PRKAG2: variants seen among roughly 807,000 people sequenced by gnomAD.
The protein encoded by PRKAG2 is 5'-AMP-activated protein kinase subunit gamma-2.
A neutral mutation model predicts 69.6 loss-of-function variants in PRKAG2; 26 were observed. The ratio of observed to expected loss-of-function variants is 0.37; its 90% CI spans 0.27 to 0.52. PRKAG2 has a LOEUF of 0.52. Ranked by LOEUF, PRKAG2 falls within the 20% of genes least tolerant of loss-of-function variation. The pLI, the probability that PRKAG2 is intolerant of heterozygous loss-of-function variation, is 0.90. For missense variants in PRKAG2, 557 were observed against 740.0 expected (o/e 0.75, Z 2.87); for synonymous variants, 293 against 285.0 (o/e 1.03, Z -0.28).
chr7:151,801,476 A>G (rs4128397), intron 1 of PRKAG2, among the ~76,000 whole-genome samples: 27,991 of 152,138 alleles, frequency 0.18, 2,735 homozygotes, highest in Middle Eastern at 0.24. Flanking sequence ...GCCAGGGACC[A>G]GCTGCAGGCA....
chr7:151,824,546 C>T (rs1362534970), intron 1 of PRKAG2, among the ~76,000 whole-genome samples: 1 of 152,100 alleles, frequency 6.6e-6, no homozygotes, highest in Non-Finnish European at 1.5e-5. Flanking sequence ...TCCCCACTAC[C>T]CCCACCACAC....
intron 3 of PRKAG2, among the ~76,000 whole-genome samples, chr7:151,720,020 G>C (rs1449552856): frequency 1.3e-5 from 2 of 152,306 alleles, no homozygotes; most frequent in South Asian, 2.1e-4. Context: ...GCACCCCCAG[G>C]GGATGTGCTT....
chr7:151,856,445 A>G (rs1394459020), intron 1 of PRKAG2, among the ~76,000 whole-genome samples: 1 of 152,184 alleles, frequency 6.6e-6, no homozygotes, highest in Non-Finnish European at 1.5e-5. Context: ...CATTGCCCCA[A>G]ATTAGGATGT....
At chr7:151,811,233 C>T (rs1251806485) in intron 1 of PRKAG2, among the ~76,000 whole-genome samples, 1 of 152,174 alleles carries the variant, frequency 6.6e-6, no homozygotes, top group Non-Finnish European at 1.5e-5. Context: ...GCTGACGGCT[C>T]ACCTGAAGAG....
At chr7:151,643,362 G>A (rs534269939) in intron 4 of PRKAG2, among the ~76,000 whole-genome samples, 2 of 152,266 alleles carry the variant, frequency 1.3e-5, no homozygotes, top group East Asian at 3.9e-4. Context: ...GTGTCACAAG[G>A]CAGTCTCTGT....
chr7:151,702,290 G>A (rs1105946), intron 3 of PRKAG2, among the ~76,000 whole-genome samples: 11,266 of 152,216 alleles, frequency 0.074, 1,215 homozygotes, highest in African/African-American at 0.24. Context: ...CCCTAGTGCC[G>A]GTCCCCCAAA....
chr7:151,778,728 T>C (rs905507122), intron 3 of PRKAG2, among the ~76,000 whole-genome samples: 1 of 152,170 alleles, frequency 6.6e-6, no homozygotes, highest in Non-Finnish European at 1.5e-5. Flanking sequence ...TCTGGGAGCT[T>C]GACATTTTTT....
At position 151,638,104 on chromosome 7, in the gene PRKAG2, C is replaced by T. The variant is rs1286980990; in HGVS notation, c.685-5966G>A. Reference sequence around the variant, plus strand: ...CCCAAACCCTCCTGATAATCCAGACCGATCTCCCCAGGGAGAACAAAATGG... The same window carrying T: ...CCCAAACCCTCCTGATAATCCAGACTGATCTCCCCAGGGAGAACAAAATGG... On this transcript the variant is annotated intron_variant, in intron 4 of 15. Coordinates refer to ENST00000287878, the MANE Select transcript of PRKAG2 (RefSeq NM_016203.4). This position sits in a 1 kb window ranked among gnomAD's most constrained non-coding sequence, Gnocchi z 4.3. Among the ~76,000 whole-genome samples, 4 of 152,120 alleles carry T rather than the reference C, an allele frequency of 2.6e-5. No individual in the cohort carries two copies. The highest frequency in any genetic ancestry group is 6.5e-5 in the Admixed American group (1 of 15,284).
intron 3 of PRKAG2, among the ~76,000 whole-genome samples, chr7:151,742,752 A>G (rs2073988306): frequency 6.6e-6 from 1 of 152,228 alleles, no homozygotes; most frequent in Non-Finnish European, 1.5e-5. Flanking sequence ...GTACTCTGGA[A>G]GCACAAAGCC....
At chr7:151,803,359 T>A (rs1221015134) in intron 1 of PRKAG2, among the ~76,000 whole-genome samples, 1 of 152,182 alleles carries the variant, frequency 6.6e-6, no homozygotes, top group Non-Finnish European at 1.5e-5. Context: ...GCGATCTTTA[T>A]CATATTGGGG....
chr7:151,602,151 G>C (rs1435051780), intron 5 of PRKAG2, among the ~76,000 whole-genome samples: 1 of 152,266 alleles, frequency 6.6e-6, no homozygotes, highest in Admixed American at 6.5e-5. Flanking sequence ...CATGCCTACT[G>C]AGTGTGGAAT....
rs558216945 is a variant in PRKAG2, at chr7:151,638,175, C to G, written c.685-6037G>C. Among the ~76,000 whole-genome samples, 14 of 152,296 alleles carry G rather than the reference C, an allele frequency of 9.2e-5. No individual in the cohort carries two copies. The highest frequency in any genetic ancestry group is 3.4e-4 in the African/African-American group (14 of 41,556). Reference sequence around the variant, plus strand: ...ACTGGGTTCTGCTAACAGCCTGGCACAGTTCCACCACAGGGAACATTTCCA... The same window carrying G: ...ACTGGGTTCTGCTAACAGCCTGGCAGAGTTCCACCACAGGGAACATTTCCA... On this transcript the variant is annotated intron_variant, in intron 4 of 15. Coordinates refer to ENST00000287878, the MANE Select transcript of PRKAG2 (RefSeq NM_016203.4). This position sits in a 1 kb window ranked among gnomAD's most constrained non-coding sequence, Gnocchi z 4.3.
intron 1 of PRKAG2, among the ~76,000 whole-genome samples, chr7:151,799,350 T>C (rs2077709839): frequency 6.6e-6 from 1 of 152,222 alleles, no homozygotes; most frequent in African/African-American, 2.4e-5. Context: ...TAGCTTGTGT[T>C]TCCACTACAT....
In PRKAG2 at chr7:151,814,872, C is replaced by T; in HGVS notation, c.115-28331G>A. The T allele has an allele frequency of 1.6e-6, 2 of 1,231,772 alleles. No individual in the cohort carries two copies. Among genetic ancestry groups the T allele is most frequent in the African/African-American group, 1.5e-5 (1 of 64,552 alleles). 76.3% of individuals were successfully genotyped at this position (1,231,772 alleles called of 1,614,324 possible). Reference sequence around the variant, plus strand: ...GTCAGGCGCTGCTGGGGAGGAAACTCCTTACCACACAGCAAGCCAGCAGGA... The same window carrying T: ...GTCAGGCGCTGCTGGGGAGGAAACTTCTTACCACACAGCAAGCCAGCAGGA... On this transcript the variant is annotated intron_variant, in intron 1 of 15. Transcript: ENST00000287878. The surrounding 1 kb of genome is among the most constrained non-coding windows in gnomAD (Gnocchi z 4.8).
chr7:151,641,673 T>C (rs1282782326), intron 4 of PRKAG2, among the ~76,000 whole-genome samples: 1 of 151,022 alleles, frequency 6.6e-6, no homozygotes, highest in Non-Finnish European at 1.5e-5. Context: ...GCCTCCCAAG[T>C]ACCTGGGAGT....
At chr7:151,865,887 G>A (rs1057285313) in intron 1 of PRKAG2, among the ~76,000 whole-genome samples, 3 of 152,030 alleles carry the variant, frequency 2.0e-5, no homozygotes, top group African/African-American at 4.8e-5. Flanking sequence ...GGGTGTGGTG[G>A]CGGGCGCCCG....
intron 3 of PRKAG2, among the ~76,000 whole-genome samples, chr7:151,723,696 A>AGCT (rs1315467248): frequency 6.6e-6 from 1 of 152,126 alleles, no homozygotes; most frequent in Non-Finnish European, 1.5e-5. Context: ...ACCTACAGGG[A>AGCT]GCTCTTCAAG....
intron 1 of PRKAG2, among the ~76,000 whole-genome samples, chr7:151,876,218 A>ACGCCCAGC (rs1355559064): frequency 6.6e-6 from 1 of 151,694 alleles, no homozygotes; most frequent in East Asian, 1.9e-4. Flanking sequence ...ATACCGGGCT[A>ACGCCCAGC]CGCCCAGCCG....
At chr7:151,776,276 G>T (rs959977462) in intron 3 of PRKAG2, among the ~76,000 whole-genome samples, 1 of 152,202 alleles carries the variant, frequency 6.6e-6, no homozygotes, top group Non-Finnish European at 1.5e-5. Flanking sequence ...CCTTGCCCTT[G>T]TGAGTAGCTG....
Sources: allele counts gnomAD v4.1 joint callset (sites outside exome capture counted in the v4.1 genomes callset), GRCh38; gene constraint gnomAD v4.1.1; non-coding constraint Gnocchi (gnomAD v3.1); transcripts MANE v1.5; gene names NCBI Gene and HGNC (gene_info 2026-07-23, HGNC 2026-07-21).